The following CSMD2 variants were observed in gnomAD, a reference collection of about 807,000 sequenced individuals.
The protein encoded by CSMD2 is CUB and sushi domain-containing protein 2.
In CSMD2, 130 loss-of-function variants were observed where a neutral mutation model predicts 398.5. The ratio of observed to expected loss-of-function variants is 0.33; its 90% CI spans 0.28 to 0.38. The LOEUF is 0.38. CSMD2 is among the 10% of genes least tolerant of loss of function. The pLI, the probability that CSMD2 is intolerant of heterozygous loss-of-function variation, is 1.00. For synonymous variants in CSMD2, 1,828 were observed against 1,908.5 expected (o/e 0.96, Z 1.10); for missense variants, 3,829 against 4,764.9 (o/e 0.80, Z 5.78).
chr1:33,748,348 AAGG>A (rs1647680939), intron 13 of CSMD2, among the ~76,000 whole-genome samples: 1 of 152,214 alleles, frequency 6.6e-6, no homozygotes, highest in South Asian at 2.1e-4. Context: ...AGGTTAAAAG[AAGG>A]AGATCAGGCA....
intron 3 of CSMD2, among the ~76,000 whole-genome samples, chr1:33,957,630 G>T (rs1485514903): frequency 6.6e-6 from 1 of 152,128 alleles, no homozygotes; most frequent in Admixed American, 6.5e-5. Flanking sequence ...TCCCAGGTTG[G>T]CCAAAGACAC....
chr1:33,621,815 A>G (rs1454659894), intron 37 of CSMD2, among the ~76,000 whole-genome samples: 5 of 152,180 alleles, frequency 3.3e-5, no homozygotes, highest in Admixed American at 2.6e-4. Flanking sequence ...AAATAATCGC[A>G]TCATAGAACT....
At chr1:34,080,930 G>GAAAGAAAGAA (rs1307528242) in intron 2 of CSMD2, among the ~76,000 whole-genome samples, 1 of 51,482 alleles carries the variant, frequency 1.9e-5, no homozygotes, top group Admixed American at 2.2e-4. Flanking sequence ...TGGAAAGAAA[G>GAAAGAAAGAA]AAAGAAAGAA....
chr1:33,892,974 T>G (rs935132238), intron 5 of CSMD2, among the ~76,000 whole-genome samples: 2 of 152,134 alleles, frequency 1.3e-5, no homozygotes, highest in Admixed American at 6.5e-5. Context: ...AGCAAACAGG[T>G]CTGGTGAAAG....
At chr1:34,034,169 C>T (rs1251962110) in intron 2 of CSMD2, among the ~76,000 whole-genome samples, 1 of 152,130 alleles carries the variant, frequency 6.6e-6, no homozygotes, top group Admixed American at 6.5e-5. Flanking sequence ...CTAAGCAAGA[C>T]ACGCAGAGGA....
intron 41 of CSMD2, chr1:33,605,856 A>G: frequency 6.2e-7 from 1 of 1,604,698 alleles, no homozygotes; most frequent in Non-Finnish European, 8.5e-7. Context: ...TGCTTATCTC[A>G]TTGAACCTTC....
chr1:34,034,386 T>C (rs1270401283), intron 2 of CSMD2, among the ~76,000 whole-genome samples: 2 of 152,178 alleles, frequency 1.3e-5, no homozygotes, highest in Non-Finnish European at 2.9e-5. Flanking sequence ...CGAGTCCTTC[T>C]ATGGGATATA....
chr1:33,982,920 C>A (rs1404594912), intron 3 of CSMD2, among the ~76,000 whole-genome samples: 1 of 152,158 alleles, frequency 6.6e-6, no homozygotes, highest in African/African-American at 2.4e-5. Flanking sequence ...GGACTCAGAA[C>A]AAGGGATGGC....
chr1:33,995,835 G>A lies in CSMD2; in HGVS notation c.517+36759C>T, dbSNP rs909799146. On this transcript the variant is annotated intron_variant, in intron 3 of 70. Transcript: ENST00000373381. ...TCATATTCAGTAACCGGGAGCAGTG[G>A]TTCATCTAGATTTTTCTGTTGATAT... Among the ~76,000 whole-genome samples, 4 of 152,180 alleles carry A rather than the reference G, an allele frequency of 2.6e-5. No homozygotes were observed. The East Asian group carries it at 7.7e-4, about 29-fold the overall frequency.
intron 25 of CSMD2, among the ~76,000 whole-genome samples, chr1:33,692,405 A>T (rs141746221): frequency 2.6e-4 from 40 of 152,370 alleles, no homozygotes; most frequent in African/African-American, 9.4e-4. Flanking sequence ...TAAAAAAGGG[A>T]AGCAATCTGC....
chr1:34,024,686 G>A (rs766192729), intron 3 of CSMD2, among the ~76,000 whole-genome samples: 4 of 152,206 alleles, frequency 2.6e-5, no homozygotes, highest in Non-Finnish European at 4.4e-5. Flanking sequence ...CCTCCTGAGC[G>A]GAGGAAATGG....
chr1:33,724,809 G>C (rs1010334225), intron 17 of CSMD2, 105 bp from the exon 18 acceptor site: 35 of 1,088,658 alleles, frequency 3.2e-5, no homozygotes, highest in Admixed American at 7.8e-5. Context: ...ATTAAAGGCA[G>C]AAGTTGCCAA....
chr1:33,525,649 T>A (rs1045587336), intron 65 of CSMD2, among the ~76,000 whole-genome samples: 5 of 152,180 alleles, frequency 3.3e-5, no homozygotes, highest in Admixed American at 6.5e-5. Flanking sequence ...TGACTATAGT[T>A]AATAAGAATG....
At chr1:34,123,659 A>G (rs1662444311) in intron 1 of CSMD2, among the ~76,000 whole-genome samples, 1 of 152,082 alleles carries the variant, frequency 6.6e-6, no homozygotes. Context: ...CTCTATCATC[A>G]GGTAGATAGG....
intron 3 of CSMD2, among the ~76,000 whole-genome samples, chr1:33,974,084 G>A (rs1339452897): frequency 1.3e-5 from 2 of 152,270 alleles, no homozygotes; most frequent in Middle Eastern, 3.4e-3. Flanking sequence ...CCTACCTTAA[G>A]GGCAGCTTGT....
At chr1:33,783,042 C>G (rs1471715807) in intron 12 of CSMD2, among the ~76,000 whole-genome samples, 2 of 151,992 alleles carry the variant, frequency 1.3e-5, no homozygotes, top group African/African-American at 4.8e-5. Flanking sequence ...AGGGACTCAG[C>G]TCAGCAGTGA....
At chr1:33,879,920 T>C (rs557711539) in intron 5 of CSMD2, among the ~76,000 whole-genome samples, 99 of 152,292 alleles carry the variant, frequency 6.5e-4, no homozygotes, top group Admixed American at 3.3e-3. Flanking sequence ...GTAACACTCA[T>C]TGAGAGTTTA....
chr1:34,036,327 G>T (rs796124273), intron 2 of CSMD2, among the ~76,000 whole-genome samples: 20 of 152,208 alleles, frequency 1.3e-4, no homozygotes, highest in African/African-American at 4.6e-4. Context: ...ATACTACTCA[G>T]CAATAAAAAG....
chr1:33,950,129 G>A (rs1016808720), intron 3 of CSMD2, among the ~76,000 whole-genome samples: 3 of 151,548 alleles, frequency 2.0e-5, no homozygotes, highest in African/African-American at 7.3e-5. Context: ...CCCTATCTCA[G>A]TTTCTTCTCT....
Sources: gnomAD v4.1 joint callset for allele counts (sites outside exome capture counted in the v4.1 genomes callset) on GRCh38, gnomAD v4.1.1 for gene constraint, MANE v1.5 for transcripts, NCBI Gene and HGNC (gene_info 2026-07-23, HGNC 2026-07-21) for gene names.